RASSF4: variants seen among roughly 807,000 people sequenced by gnomAD.
RASSF4 encodes Ras association domain family member 4, also known as ras association domain-containing protein 4.
A neutral mutation model predicts 41.1 loss-of-function variants in RASSF4; 38 were observed. That is an observed-to-expected ratio of 0.92 (90% CI 0.71 to 1.21). The LOEUF is 1.21. Ranked by LOEUF, RASSF4 falls within the 50% of genes most tolerant of loss-of-function variation. The probability of loss-of-function intolerance (pLI) is 0.00; values close to 1 mark genes in which losing one functional copy is unlikely to be tolerated. For synonymous variants in RASSF4, 179 were observed against 163.4 expected (o/e 1.10, Z -0.73); for missense variants, 414 against 419.4 (o/e 0.99, Z 0.11).
chr10:44,974,049 C>G (rs1182902223), intron 3 of RASSF4, among the ~76,000 whole-genome samples: 2 of 152,188 alleles, frequency 1.3e-5, no homozygotes, highest in African/African-American at 4.8e-5. Context: ...TTTGCTGGGT[C>G]GCAATTACCA....
chr10:44,970,212 G>A lies in RASSF4; in HGVS notation c.10G>A (p.Asp4Asn), dbSNP rs753294319. 2 of 1,613,950 alleles carry A rather than the reference G, an allele frequency of 1.2e-6. No homozygotes were observed. Among genetic ancestry groups the A allele is most frequent in the Non-Finnish European group, 8.5e-7 (1 of 1,179,768 alleles). The part of the protein sequence containing the change: MKE[D>N]CLPSSHVPIS... ...ACAAGAGGAAGAGAAGATGAAGGAA[G>A]ACTGTCTGCCGAGTTCTCACGTGCC... The change falls in exon 2 of 11, where the codon GAC becomes AAC. Residue 4 changes from aspartate (D) to asparagine (N), a missense_variant. Physicochemically the swap from Asp to Asn is conservative, Grantham distance 23. Transcript: ENST00000340258.
chr10:44,974,555 C>A lies in RASSF4; in HGVS notation c.138+2707C>A, dbSNP rs187094400. Among the ~76,000 whole-genome samples the A allele has an allele frequency of 3.9e-4, 60 of 152,320 alleles. 2 individuals are homozygous for A. Among genetic ancestry groups the A allele is most frequent in the Non-Finnish European group, 7.4e-5 (5 of 68,026 alleles). On this transcript the variant is annotated intron_variant, in intron 3 of 10. Coordinates refer to ENST00000340258, the MANE Select transcript of RASSF4 (RefSeq NM_032023.4). Reference sequence around the variant, plus strand: ...CTGTTTGTTGCCCTTGAGCCCCAAGCTAAGGGGCTCTCAGGCTGGCGAAGG... The same window carrying A: ...CTGTTTGTTGCCCTTGAGCCCCAAGATAAGGGGCTCTCAGGCTGGCGAAGG...
chr10:44,977,485 C>G, intron 3 of RASSF4: 1 of 1,613,028 alleles, frequency 6.2e-7, no homozygotes, highest in Non-Finnish European at 8.5e-7. Flanking sequence ...CTTGGGCAGA[C>G]TGCCCAAAAG....
At chr10:44,974,376 T>C (rs1841306392) in intron 3 of RASSF4, among the ~76,000 whole-genome samples, 1 of 152,128 alleles carries the variant, frequency 6.6e-6, no homozygotes, top group Admixed American at 6.5e-5. Flanking sequence ...GCTCCCAGAG[T>C]TTAAGTCTCT....
chr10:44,983,817 C>T lies in RASSF4; in HGVS notation c.282-205C>T, dbSNP rs373012561. On this transcript the variant is annotated intron_variant, in intron 4 of 10. Transcript: ENST00000340258. ...TCAGGTCTGCAGGGCCAGGCTCACT[C>T]TCCGTCCAGCAGATGCTGGGGGGAG... 8.2e-5 allele frequency: 67 copies of T among 819,614 alleles called. No homozygotes were observed. In the African/African-American group the frequency reaches 9.7e-4, roughly 12 times the overall value. 50.8% of individuals were successfully genotyped at this position (819,614 alleles called of 1,614,324 possible). A position where few individuals can be genotyped will look rare whatever the true frequency, so the allele number is the denominator to read the frequency against.
chr10:44,977,418 G>C (rs148616899), intron 3 of RASSF4: 1 of 1,597,884 alleles, frequency 6.3e-7, no homozygotes, highest in African/African-American at 1.3e-5. Flanking sequence ...ACCGGGAGGT[G>C]CGAGTAGAGT....
At chr10:44,987,424 A>C (rs148288040) in intron 6 of RASSF4, among the ~76,000 whole-genome samples, 5 of 152,214 alleles carry the variant, frequency 3.3e-5, no homozygotes, top group African/African-American at 1.2e-4. Flanking sequence ...TTGGACAAGA[A>C]AGCCTAATCC....
chr10:44,976,464 C>G lies in RASSF4; in HGVS notation c.138+4616C>G, dbSNP rs192755934. ...GTGAGCTTGGCTGTTGCCCCCAGCT[C>G]AATCTTCCTCCTCTCCTCTCTCTGT... On this transcript the variant is annotated intron_variant, in intron 3 of 10. Transcript: ENST00000340258. The G allele has an allele frequency of 3.3e-5, 5 of 152,490 alleles. No individual in the cohort carries two copies. In the East Asian group the frequency reaches 5.8e-4, roughly 18 times the overall value. 9.4% of individuals were successfully genotyped at this position (152,490 alleles called of 1,614,324 possible).
At chr10:44,960,430 G>A (rs1342149703) in intron 1 of RASSF4, among the ~76,000 whole-genome samples, 2 of 152,158 alleles carry the variant, frequency 1.3e-5, no homozygotes, top group Non-Finnish European at 2.9e-5. Context: ...CACCTTTACC[G>A]GATGAGTTGG....
chr10:44,992,549 G>A (rs558042036), intron 10 of RASSF4, among the ~76,000 whole-genome samples: 65 of 152,334 alleles, frequency 4.3e-4, no homozygotes, highest in Middle Eastern at 6.8e-3. Flanking sequence ...CCAGGGTCCG[G>A]ATGCATGAGT....
intron 9 of RASSF4, 138 bp from the exon 10 acceptor site, chr10:44,991,767 G>A: frequency 1.6e-6 from 1 of 624,328 alleles, no homozygotes; most frequent in Non-Finnish European, 2.9e-6. Context: ...CAGTGTGGGG[G>A]TGGGGTGGGA....
intron 1 of RASSF4, among the ~76,000 whole-genome samples, chr10:44,966,485 G>A (rs1318123793): frequency 6.6e-6 from 1 of 152,212 alleles, no homozygotes; most frequent in Non-Finnish European, 1.5e-5. Flanking sequence ...TCCCATATGA[G>A]TCAGAAAATA....
Position 44,984,033 on chromosome 10 carries a change from C to A in RASSF4, c.293C>A (p.Ser98Ter). The A allele has an allele frequency of 6.3e-7, 1 of 1,599,932 alleles. No homozygotes were observed. Among genetic ancestry groups the A allele is most frequent in the South Asian group, 1.1e-5 (1 of 88,104 alleles). The change falls in exon 5 of 11, where the codon TCG (serine) becomes TAG (stop). Residue 98 changes from serine to a stop codon, truncating the protein, a stop_gained. Coordinates refer to ENST00000340258, the MANE Select transcript of RASSF4 (RefSeq NM_032023.4). LOFTEE classifies it high-confidence loss of function. ...RRPSCPLKEP[S>*]PQNGNITAQG... ...TTGTCTGTTTTCAGAAAGGAGCCATCGCCCCAGAACGGGAACATCACAGCC... is the reference window on the plus strand; with the variant it reads ...TTGTCTGTTTTCAGAAAGGAGCCATAGCCCCAGAACGGGAACATCACAGCC...
chr10:44,959,919 C>A (rs1348979694), intron 1 of RASSF4, 53 bp downstream of exon 1: 1 of 152,306 alleles, frequency 6.6e-6, no homozygotes, highest in Admixed American at 6.5e-5. Context: ...GCATCCCCTC[C>A]GACCCAGGAC....
At position 44,970,170 on chromosome 10, in the gene RASSF4, A is replaced by G. The variant is rs543432436; in HGVS notation, c.-33A>G. 6.2e-7 allele frequency: 1 copy of G among 1,600,022 alleles called. No individual in the cohort carries two copies. The highest frequency in any genetic ancestry group is 2.2e-5 in the East Asian group (1 of 44,828). ...ACCCTTCCTTGTCTTCCCAGCAAGTAACTTCTAGGTCTGCAGACAAGAGGA... is the reference window on the plus strand; with the variant it reads ...ACCCTTCCTTGTCTTCCCAGCAAGTGACTTCTAGGTCTGCAGACAAGAGGA... On this transcript the variant is annotated 5_prime_UTR_variant, in exon 2 of 11. It removes the in-frame stop codon of an upstream open reading frame in the 5' UTR. Transcript: ENST00000340258.
At chr10:44,971,350 G>A (rs1460879932) in intron 2 of RASSF4, 1 of 379,270 alleles carries the variant, frequency 2.6e-6, no homozygotes, top group Non-Finnish European at 5.3e-6. Flanking sequence ...GTGGCCCGCA[G>A]CAGCCACAGC....
At chr10:44,970,397 G>A in intron 2 of RASSF4, 133 bp downstream of exon 2, 1 of 710,202 alleles carries the variant, frequency 1.4e-6, no homozygotes, top group Non-Finnish European at 2.5e-6. Flanking sequence ...GGACAGTGAT[G>A]GGGTGCTTCT....
In RASSF4 at chr10:44,970,438, G is replaced by A; in HGVS notation, c.62+174G>A. Reference sequence around the variant, plus strand: ...AGCCTGTCCAATAGGGGATCCCCAAGCTACACATGACCATGGCTGGGAGGC... The same window carrying A: ...AGCCTGTCCAATAGGGGATCCCCAAACTACACATGACCATGGCTGGGAGGC... On this transcript the variant is annotated intron_variant, in intron 2 of 10. Coordinates refer to ENST00000340258, the MANE Select transcript of RASSF4 (RefSeq NM_032023.4). 3 of 601,832 alleles carry A rather than the reference G, an allele frequency of 5.0e-6. No homozygotes were observed. The South Asian group carries it at 6.0e-5, about 12-fold the overall frequency. 37.3% of individuals were successfully genotyped at this position (601,832 alleles called of 1,614,324 possible).
chr10:44,961,053 G>A (rs888358687), intron 1 of RASSF4, among the ~76,000 whole-genome samples: 1 of 152,208 alleles, frequency 6.6e-6, no homozygotes, highest in South Asian at 2.1e-4. Context: ...GAGGAAGGGA[G>A]GGAAGAGGAG....
Sources: gnomAD v4.1 joint callset for allele counts (sites outside exome capture counted in the v4.1 genomes callset) on GRCh38, gnomAD v4.1.1 for gene constraint, MANE v1.5 for transcripts, NCBI Gene and HGNC (gene_info 2026-07-23, HGNC 2026-07-21) for gene names.